WWOX: variants seen among roughly 807,000 people sequenced by gnomAD.
WWOX encodes the protein WW domain containing oxidoreductase.
In WWOX, 69 loss-of-function variants were observed where a neutral mutation model predicts 46.2. That is an observed-to-expected ratio of 1.49 (90% CI 1.23 to 1.82). WWOX has a LOEUF of 1.82. Ranked by LOEUF, WWOX falls within the 40% of genes most tolerant of loss-of-function variation. WWOX has a pLI of 0.00. For synonymous variants in WWOX, 359 were observed against 202.6 expected (o/e 1.77, Z -6.56); for missense variants, 919 against 542.6 (o/e 1.69, Z -6.89).
At chr16:78,262,397 C>T in intron 5 of WWOX, among the ~76,000 whole-genome samples, 1 of 152,080 alleles carries the variant, frequency 6.6e-6, no homozygotes, top group East Asian at 1.9e-4. Context: ...TCTCAAGGGA[C>T]CTTCAGTCTG....
At chr16:78,606,737 T>TTG (rs1470312507) in intron 8 of WWOX, among the ~76,000 whole-genome samples, 14 of 150,520 alleles carry the variant, frequency 9.3e-5, no homozygotes, top group African/African-American at 3.2e-4. Flanking sequence ...TTTTTTTTTT[T>TTG]TTTTTAAATA....
intron 8 of WWOX, among the ~76,000 whole-genome samples, chr16:78,639,590 T>C (rs2046654997): frequency 8.5e-6 from 1 of 117,978 alleles, no homozygotes; most frequent in African/African-American, 3.2e-5. Flanking sequence ...TTCCAGACAG[T>C]TTCACTCTTG....
intron 8 of WWOX, among the ~76,000 whole-genome samples, chr16:78,588,362 G>A (rs2045269037): frequency 6.6e-6 from 1 of 152,096 alleles, no homozygotes; most frequent in African/African-American, 2.4e-5. Context: ...GGCTGCCTTT[G>A]GTGAAATATT....
At chr16:78,369,685 C>G (rs971742033) in intron 5 of WWOX, among the ~76,000 whole-genome samples, 1 of 152,098 alleles carries the variant, frequency 6.6e-6, no homozygotes, top group South Asian at 2.1e-4. Context: ...AAAGGTCTCT[C>G]TCGGTGGGAG....
chr16:78,364,103 C>G (rs537462028), intron 5 of WWOX, among the ~76,000 whole-genome samples: 1 of 152,300 alleles, frequency 6.6e-6, no homozygotes, highest in Admixed American at 6.5e-5. Context: ...TGACCTTGCC[C>G]TTCCTGGCCT....
chr16:78,605,644 C>G (rs1032726310), intron 8 of WWOX, among the ~76,000 whole-genome samples: 1 of 152,164 alleles, frequency 6.6e-6, no homozygotes, highest in Non-Finnish European at 1.5e-5. Flanking sequence ...TTTAGAAACT[C>G]AGCTATCCAG....
intron 5 of WWOX, among the ~76,000 whole-genome samples, chr16:78,216,277 T>C (rs1279498513): frequency 6.6e-6 from 1 of 152,232 alleles, no homozygotes; most frequent in African/African-American, 2.4e-5. Context: ...GCTTAATTAT[T>C]TTAAAGTAAA....
At chr16:78,599,836 C>T (rs2045578949) in intron 8 of WWOX, among the ~76,000 whole-genome samples, 1 of 152,016 alleles carries the variant, frequency 6.6e-6, no homozygotes, top group South Asian at 2.1e-4. Flanking sequence ...GTGTGGTGTC[C>T]ATGTTGAGGA....
At chr16:78,621,815 C>T (rs1274279457) in intron 8 of WWOX, among the ~76,000 whole-genome samples, 1 of 151,796 alleles carries the variant, frequency 6.6e-6, no homozygotes, top group Non-Finnish European at 1.5e-5. Context: ...CCATGTTAGC[C>T]AGGATGGTCT....
chr16:78,376,318 C>G (rs1003990512), intron 5 of WWOX, among the ~76,000 whole-genome samples: 2 of 152,148 alleles, frequency 1.3e-5, no homozygotes, highest in Non-Finnish European at 2.9e-5. Context: ...ATTGAACATT[C>G]TTTAGTGGAA....
At chr16:78,817,259 C>G (rs922174065) in intron 8 of WWOX, among the ~76,000 whole-genome samples, 1 of 123,154 alleles carries the variant, frequency 8.1e-6, no homozygotes, top group African/African-American at 3.1e-5. Flanking sequence ...ACTGCAGTTT[C>G]AAAGTATTGC....
At chr16:79,146,210 T>C (rs921761447) in intron 8 of WWOX, among the ~76,000 whole-genome samples, 3 of 152,242 alleles carry the variant, frequency 2.0e-5, no homozygotes, top group South Asian at 2.1e-4. Context: ...TTGAATATAA[T>C]GCAGAGGAGA....
intron 8 of WWOX, among the ~76,000 whole-genome samples, chr16:78,564,270 C>T (rs996465910): frequency 1.3e-5 from 2 of 152,198 alleles, no homozygotes; most frequent in Non-Finnish European, 1.5e-5. Flanking sequence ...GAAATTGACT[C>T]TTCGGGAGCT....
At chr16:78,102,284 G>T (rs1381102470) in intron 1 of WWOX, among the ~76,000 whole-genome samples, 1 of 152,142 alleles carries the variant, frequency 6.6e-6, no homozygotes, top group Non-Finnish European at 1.5e-5. Context: ...ACAGTGAGAG[G>T]AGAGACCCCC....
chr16:78,633,043 A>G (rs1336370896), intron 8 of WWOX, among the ~76,000 whole-genome samples: 6 of 152,046 alleles, frequency 3.9e-5, no homozygotes, highest in Non-Finnish European at 8.8e-5. Context: ...TGGGTGGATC[A>G]CTTGAGGTCA....
intron 5 of WWOX, among the ~76,000 whole-genome samples, chr16:78,230,617 G>T (rs2037228563): frequency 6.6e-6 from 1 of 152,220 alleles, no homozygotes; most frequent in South Asian, 2.1e-4. Context: ...CTGAGCACCT[G>T]TTGTCAGAGT....
At chr16:79,145,188 C>A (rs2050162399) in intron 8 of WWOX, among the ~76,000 whole-genome samples, 1 of 152,064 alleles carries the variant, frequency 6.6e-6, no homozygotes, top group Non-Finnish European at 1.5e-5. Context: ...TATTCTCTAT[C>A]AGTGTAATTT....
intron 8 of WWOX, among the ~76,000 whole-genome samples, chr16:78,743,113 A>C (rs754700332): frequency 2.6e-5 from 4 of 151,976 alleles, no homozygotes; most frequent in Non-Finnish European, 5.9e-5. Flanking sequence ...CTCTCCTTGG[A>C]GGAGACACTT....
intron 8 of WWOX, among the ~76,000 whole-genome samples, chr16:78,540,014 T>TCACACACA (rs1489472379): frequency 7.8e-6 from 1 of 127,486 alleles, no homozygotes; most frequent in African/African-American, 2.8e-5. Flanking sequence ...TCTCTCTCTC[T>TCACACACA]CTCTCTCACA....
Sources: gnomAD v4.1 joint callset for allele counts (sites outside exome capture counted in the v4.1 genomes callset) on GRCh38, gnomAD v4.1.1 for gene constraint, MANE v1.5 for transcripts, NCBI Gene and HGNC (gene_info 2026-07-23, HGNC 2026-07-21) for gene names.